Variants in KANSL3 observed in about 807,000 individuals in gnomAD.
KANSL3 encodes NSL complex protein NSL3.
In KANSL3, 16 loss-of-function variants were observed where a neutral mutation model predicts 89.2. That is an observed-to-expected ratio of 0.18 (90% CI 0.12 to 0.27). The LOEUF is 0.27. Among genes scored for constraint, KANSL3 ranks in the 10% least tolerant of loss-of-function variants. KANSL3 has a pLI of 1.00. For missense variants in KANSL3, 879 were observed against 1,110.6 expected, an observed-to-expected ratio of 0.79 and a Z score of 2.96; for synonymous variants, 385 against 419.7, an observed-to-expected ratio of 0.92 and a Z score of 1.01.
intron 3 of KANSL3, among the ~76,000 whole-genome samples, chr2:96,625,026 A>G (rs1037663440): frequency 4.6e-5 from 7 of 152,082 alleles, no homozygotes; most frequent in Non-Finnish European, 8.8e-5. Flanking sequence ...CGTGGCTAAC[A>G]TGGCGAAACC....
intron 5 of KANSL3, among the ~76,000 whole-genome samples, chr2:96,617,789 A>C (rs1399528503): frequency 6.6e-6 from 1 of 151,852 alleles, no homozygotes; most frequent in East Asian, 1.9e-4. Flanking sequence ...CGAGGTCAGG[A>C]GATCGAGACA....
chr2:96,613,672 A>G (rs757228623), intron 5 of KANSL3, 53 bp from the exon 6 acceptor site: 187 of 1,566,108 alleles, frequency 1.2e-4, no homozygotes, highest in Non-Finnish European at 1.5e-4. Flanking sequence ...GAGACCTTCC[A>G]CCACCAGCAA....
At chr2:96,634,207 TC>T (rs1158096690) in intron 2 of KANSL3, 2 of 152,176 alleles carry the variant, frequency 1.3e-5, no homozygotes, top group African/African-American at 4.8e-5. Flanking sequence ...TAAATGAACA[TC>T]TAAAGGTCTT....
intron 3 of KANSL3, chr2:96,628,373 A>ACTGCACTTGGCTG: frequency 2.1e-6 from 1 of 486,720 alleles, no homozygotes; most frequent in Non-Finnish European, 2.7e-6. Flanking sequence ...AAACTCAGCC[A>ACTGCACTTGGCTG]AGTGCAGTGG....
chr2:96,587,052 T>C, the KANSL3 span, among the ~76,000 whole-genome samples: 4 of 152,216 alleles, frequency 2.6e-5, no homozygotes, highest in African/African-American at 9.6e-5. Context: ...TAATTCTGCT[T>C]CAGAAAGTAT....
chr2:96,617,564 A>AAAAAAAAAAAAAC, intron 5 of KANSL3, among the ~76,000 whole-genome samples: 1 of 152,156 alleles, frequency 6.6e-6, no homozygotes. Context: ...TATTAAAAAA[A>AAAAAAAAAAAAAC]AAAAAAAAAG....
rs1366101604 is a variant in KANSL3, at chr2:96,604,375, C to A, written c.2024G>T (p.Ser675Ile). The A allele has an allele frequency of 2.5e-6, 4 of 1,610,782 alleles. No individual in the cohort carries two copies. Among genetic ancestry groups the A allele is most frequent in the African/African-American group, 2.7e-5 (2 of 74,920 alleles). The change falls in exon 17 of 21, where the codon AGT becomes ATT. Residue 675 changes from serine to isoleucine, a missense_variant. Physicochemically the swap from Ser to Ile is moderately radical, Grantham distance 142. Around this residue, in one of 6 missense-constraint regions of KANSL3, gnomAD observed 317 missense variants for 311.2 expected, o/e 1.02. Transcript: ENST00000431828. ...GGCTGAGACTCCACCTTCAGAAGAA[C>A]TGGACCTGGAGACAAAGGAAGGAGC... ...LTGLLTTAKS[S>I]SSEGGVSASP...
At chr2:96,597,614 T>C (rs1182473456) in intron 20 of KANSL3, among the ~76,000 whole-genome samples, 1 of 151,168 alleles carries the variant, frequency 6.6e-6, no homozygotes, top group Non-Finnish European at 1.5e-5. Flanking sequence ...ATTTATTTTA[T>C]TTTTTTGAGA....
rs1475668486 is a variant in KANSL3, at chr2:96,595,329, G to A, written c.*282C>T. 9 of 397,312 alleles carry A rather than the reference G, an allele frequency of 2.3e-5. No homozygotes were observed. The highest frequency in any genetic ancestry group is 4.2e-5 in the South Asian group (1 of 23,858). The allele number at this position is 397,312 out of a possible 1,614,324, so 24.6% of individuals were successfully genotyped here. The stretch of plus-strand genomic sequence containing the variant: ...CCTTGGGTCAAACCACAGCTTAAGC[G>A]GGGGAAGAAGTGGTTCTGATCCATG... On this transcript the variant is annotated 3_prime_UTR_variant, in exon 21 of 21. Coordinates refer to ENST00000431828, the MANE Select transcript of KANSL3 (RefSeq NM_001115016.3).
intron 3 of KANSL3, chr2:96,628,323 C>A: frequency 1.2e-6 from 1 of 867,048 alleles, no homozygotes; most frequent in Non-Finnish European, 1.4e-6. Flanking sequence ...ACCCCAGTGT[C>A]TCTTATGCTT....
rs147154503 is a variant in KANSL3, at chr2:96,621,339, C to G, written c.387-1577G>C. 5.8e-3 allele frequency among the ~76,000 whole-genome samples: 877 copies of G among 151,994 alleles called. 11 individuals are homozygous for G. Among genetic ancestry groups the G allele is most frequent in the African/African-American group, 0.02 (825 of 41,464 alleles). ...GACCAGCCTGGCCAATATGGTGAAACCCCATCTCTACTAAAAATACAAAAA... is the reference window on the plus strand; with the variant it reads ...GACCAGCCTGGCCAATATGGTGAAAGCCCATCTCTACTAAAAATACAAAAA... On this transcript the variant is annotated intron_variant, in intron 3 of 20. Coordinates refer to ENST00000431828, the MANE Select transcript of KANSL3 (RefSeq NM_001115016.3).
chr2:96,627,617 G>C (rs562388157), intron 3 of KANSL3, among the ~76,000 whole-genome samples: 2 of 152,174 alleles, frequency 1.3e-5, no homozygotes, highest in African/African-American at 2.4e-5. Flanking sequence ...CACAGACAAA[G>C]AGCAATCAGT....
Position 96,609,566 on chromosome 2 carries a change from A to G in KANSL3, c.1320-4T>C. 1.2e-6 allele frequency: 2 copies of G among 1,611,766 alleles called. No homozygotes were observed. The highest frequency in any genetic ancestry group is 1.7e-6 in the Non-Finnish European group (2 of 1,177,852). ...TTTCTTCTTTGCTTTGCTTATTCTA[A>G]GAAACAAAAAGGATGACATGTTTAC... On this transcript the variant is annotated splice_region_variant and splice_polypyrimidine_tract_variant and intron_variant, in intron 11 of 20. Coordinates refer to ENST00000431828, the MANE Select transcript of KANSL3 (RefSeq NM_001115016.3).
chr2:96,602,343 G>T lies in KANSL3; in HGVS notation c.2260-5C>A. ...GGGCAACTTCACACTGGTGGCCTGT[G>T]GGACACACAAGCCCAGGTGATCAGA... On this transcript the variant is annotated splice_polypyrimidine_tract_variant and splice_region_variant and intron_variant, in intron 18 of 20. Transcript: ENST00000431828. 1 of 1,601,692 alleles carries T rather than the reference G, an allele frequency of 6.2e-7. No homozygotes were observed. Among genetic ancestry groups the T allele is most frequent in the East Asian group, 2.2e-5 (1 of 44,520 alleles).
intron 3 of KANSL3, among the ~76,000 whole-genome samples, chr2:96,620,510 C>G (rs1409985647): frequency 1.3e-5 from 2 of 152,078 alleles, no homozygotes; most frequent in Non-Finnish European, 2.9e-5. Flanking sequence ...AGACATCTAT[C>G]CTACTGTTCT....
intron 9 of KANSL3, among the ~76,000 whole-genome samples, chr2:96,611,901 A>ATGTGTGTG (rs1491403979): frequency 5.7e-4 from 18 of 31,770 alleles, no homozygotes; most frequent in African/African-American, 2.1e-3. Flanking sequence ...ATATATACCC[A>ATGTGTGTG]TATGTGTGTG....
chr2:96,629,589 T>C (rs2073028798), intron 3 of KANSL3, among the ~76,000 whole-genome samples: 1 of 152,248 alleles, frequency 6.6e-6, no homozygotes, highest in Non-Finnish European at 1.5e-5. Flanking sequence ...CCCAAAGTAC[T>C]GGGATTACAG....
At chr2:96,607,605 C>G (rs2105295313) in intron 14 of KANSL3, among the ~76,000 whole-genome samples, 1 of 152,332 alleles carries the variant, frequency 6.6e-6, no homozygotes, top group South Asian at 2.1e-4. Flanking sequence ...GGGGCCTGGC[C>G]TCATTTCTCA....
chr2:96,625,966 G>A (rs934274024), intron 3 of KANSL3, among the ~76,000 whole-genome samples: 4 of 143,662 alleles, frequency 2.8e-5, no homozygotes, highest in South Asian at 2.5e-4. Flanking sequence ...TCCCCACCCC[G>A]TGCCCCACCC....
Sources: gnomAD v4.1 joint callset for allele counts (sites outside exome capture counted in the v4.1 genomes callset) on GRCh38, gnomAD v4.1.1 for gene constraint, gnomAD v4.1.1 regional missense constraint, MANE v1.5 for transcripts, NCBI Gene and HGNC (gene_info 2026-07-23, HGNC 2026-07-21) for gene names.